The following LRRC7 variants were observed in gnomAD, a reference collection of about 807,000 sequenced individuals.
LRRC7 encodes leucine-rich repeat-containing protein 7.
A neutral mutation model predicts 175.7 loss-of-function variants in LRRC7; 23 were observed. The ratio of observed to expected loss-of-function variants is 0.13; its 90% CI spans 0.09 to 0.19. The LOEUF (loss-of-function observed/expected upper bound fraction) is 0.19, where lower values mean the gene tolerates loss of function less well. Ranked by LOEUF, LRRC7 falls within the 10% of genes least tolerant of loss-of-function variation. The pLI is 1.00. For missense variants in LRRC7, 1,354 were observed against 1,904.7 expected, an observed-to-expected ratio of 0.71 and a Z score of 5.38; for synonymous variants, 685 against 680.9, an observed-to-expected ratio of 1.01 and a Z score of -0.09.
At chr1:70,055,769 G>A (rs1001050108) in intron 23 of LRRC7, among the ~76,000 whole-genome samples, 4 of 152,106 alleles carry the variant, frequency 2.6e-5, no homozygotes, top group African/African-American at 7.2e-5. Context: ...ATCCACTCCC[G>A]TGATTCAAAC....
intron 4 of LRRC7, among the ~76,000 whole-genome samples, chr1:69,819,970 T>C (rs1467109033): frequency 2.6e-5 from 4 of 152,126 alleles, no homozygotes; most frequent in African/African-American, 9.7e-5. Context: ...GTCATGTTTT[T>C]TTCACCCATT....
At chr1:69,776,757 G>T (rs1312584804) in intron 3 of LRRC7, among the ~76,000 whole-genome samples, 2 of 151,582 alleles carry the variant, frequency 1.3e-5, no homozygotes, top group Admixed American at 1.3e-4. Context: ...GATATTTACT[G>T]CTTCTTGCTT....
intron 2 of LRRC7, among the ~76,000 whole-genome samples, chr1:69,741,965 T>G (rs919906176): frequency 6.6e-6 from 1 of 152,022 alleles, no homozygotes; most frequent in African/African-American, 2.4e-5. Context: ...TAAGCCCATA[T>G]AAATTATTCA....
At chr1:69,985,156 T>G (rs1390705224) in intron 9 of LRRC7, among the ~76,000 whole-genome samples, 1 of 152,188 alleles carries the variant, frequency 6.6e-6, no homozygotes, top group South Asian at 2.1e-4. Context: ...CTTGAAAGTT[T>G]CCTTCATTAC....
At chr1:69,916,859 G>A (rs1358192187) in intron 7 of LRRC7, among the ~76,000 whole-genome samples, 1 of 152,054 alleles carries the variant, frequency 6.6e-6, no homozygotes, top group African/African-American at 2.4e-5. Context: ...ATTTTCAGTG[G>A]TGTTAATAAG....
intron 11 of LRRC7, among the ~76,000 whole-genome samples, chr1:69,999,139 A>G (rs1237505857): frequency 6.6e-6 from 1 of 152,230 alleles, no homozygotes; most frequent in Non-Finnish European, 1.5e-5. Context: ...GTCCTTTGAA[A>G]TCTTCCTGGT....
intron 1 of LRRC7, among the ~76,000 whole-genome samples, chr1:69,656,417 C>A (rs1167274130): frequency 6.6e-6 from 1 of 151,932 alleles, no homozygotes; most frequent in African/African-American, 2.4e-5. Context: ...AGTGATCCTG[C>A]AAATAGACTA....
chr1:69,958,310 T>A (rs1287564107), intron 8 of LRRC7, among the ~76,000 whole-genome samples: 2 of 151,982 alleles, frequency 1.3e-5, no homozygotes, highest in African/African-American at 4.8e-5. Context: ...ATTTCAGGGA[T>A]CCTAGCTCCA....
At chr1:69,955,763 A>G (rs376861138) in intron 8 of LRRC7, among the ~76,000 whole-genome samples, 5 of 152,006 alleles carry the variant, frequency 3.3e-5, no homozygotes, top group African/African-American at 1.2e-4. Flanking sequence ...AGTGACAAGC[A>G]AAACAATTGA....
At chr1:70,085,800 G>A (rs918624164) in intron 24 of LRRC7, among the ~76,000 whole-genome samples, 104 of 152,074 alleles carry the variant, frequency 6.8e-4, no homozygotes, top group African/African-American at 2.5e-3. Context: ...TTACTTATTT[G>A]TTGTTTATGT....
rs543576086 is a variant in LRRC7 at position 69,633,877 on chromosome 1, AT to A, written c.3-44501del. Among the ~76,000 whole-genome samples, 951 of 152,090 alleles carry A rather than the reference AT, an allele frequency of 6.3e-3. 10 individuals carry two copies. The highest frequency in any genetic ancestry group is 0.021 in the African/African-American group (892 of 41,512). On this transcript the variant is annotated intron_variant, in intron 1 of 26. Coordinates refer to ENST00000651989, the MANE Select transcript of LRRC7 (RefSeq NM_001370785.2). ...TTAAATAATATTATCTTAATGTTTG[AT>A]TTCTTTTTTTCTTCTTGTTTGCTGA...
intron 7 of LRRC7, among the ~76,000 whole-genome samples, chr1:69,868,982 C>T (rs547116486): frequency 4.6e-5 from 7 of 151,624 alleles, no homozygotes; most frequent in South Asian, 2.1e-4. Context: ...TATTGGATTA[C>T]GGTCCACCCT....
chr1:69,981,485 A>G lies in LRRC7; in HGVS notation c.786+1032A>G, dbSNP rs75751190. On this transcript the variant is annotated intron_variant, in intron 9 of 26. Coordinates refer to ENST00000651989, the MANE Select transcript of LRRC7 (RefSeq NM_001370785.2). The stretch of plus-strand genomic sequence containing the variant: ...AAAGACACAAAACAGAAAAATATGC[A>G]CATCTATTGTTCACTGATTTATTTA... Among the ~76,000 whole-genome samples, 698 of 152,366 alleles carry G rather than the reference A, an allele frequency of 4.6e-3. 8 individuals are homozygous for G. The highest frequency in any genetic ancestry group is 0.016 in the African/African-American group (647 of 41,592).
At chr1:69,659,711 C>G (rs1485543357) in intron 1 of LRRC7, among the ~76,000 whole-genome samples, 5 of 150,758 alleles carry the variant, frequency 3.3e-5, no homozygotes, top group African/African-American at 1.2e-4. Context: ...TCTTGACACA[C>G]TTTAAAGAAA....
chr1:70,144,090 T>TTC lies in LRRC7; in HGVS notation c.*22203_*22204insTC. ...AATTTACTGAACCAGTGAAATTAAT[T>TTC]ACTGTCAGTTAATTTGCAAATGCAA... On this transcript the variant is annotated 3_prime_UTR_variant, in exon 27 of 27. Coordinates refer to ENST00000651989, the MANE Select transcript of LRRC7 (RefSeq NM_001370785.2). The TTC allele has an allele frequency of 6.6e-6, 1 of 152,168 alleles. No individual in the cohort carries two copies. Among genetic ancestry groups the TTC allele is most frequent in the Non-Finnish European group, 1.5e-5 (1 of 68,018 alleles). The allele number at this position is 152,168 out of a possible 1,614,324, so 9.4% of individuals were successfully genotyped here.
intron 1 of LRRC7, among the ~76,000 whole-genome samples, chr1:69,652,953 G>C (rs1184470814): frequency 4.6e-5 from 7 of 151,694 alleles, no homozygotes; most frequent in Non-Finnish European, 4.4e-5. Flanking sequence ...AACTCAAAAT[G>C]GATTAAAAAT....
intron 23 of LRRC7, among the ~76,000 whole-genome samples, chr1:70,056,582 C>T (rs1661170321): frequency 6.6e-6 from 1 of 152,134 alleles, no homozygotes; most frequent in South Asian, 2.1e-4. Context: ...GTAATATGAA[C>T]TTCCTCTTTC....
At chr1:70,032,623 C>T (rs1350541071) in intron 18 of LRRC7, among the ~76,000 whole-genome samples, 1 of 152,176 alleles carries the variant, frequency 6.6e-6, no homozygotes, top group East Asian at 1.9e-4. Flanking sequence ...TTAGGGGACT[C>T]AGCCCAATTT....
intron 11 of LRRC7, among the ~76,000 whole-genome samples, chr1:70,000,993 T>C (rs912407715): frequency 1.3e-5 from 2 of 152,226 alleles, no homozygotes; most frequent in Non-Finnish European, 2.9e-5. Context: ...CTGTTCCGAC[T>C]GTTTCTTTCA....
Sources: allele counts gnomAD v4.1 joint callset (sites outside exome capture counted in the v4.1 genomes callset), GRCh38; gene constraint gnomAD v4.1.1; transcripts MANE v1.5; gene names NCBI Gene and HGNC (gene_info 2026-07-23, HGNC 2026-07-21).